CBFA2T3: variants seen among roughly 807,000 people sequenced by gnomAD.
The protein encoded by CBFA2T3 is transcriptional corepressor CBFA2T3.
In CBFA2T3, 31 loss-of-function variants were observed where a neutral mutation model predicts 58.6. The ratio of observed to expected loss-of-function variants is 0.53; its 90% confidence interval spans 0.40 to 0.71. The LOEUF (loss-of-function observed/expected upper bound fraction) is 0.71, where lower values mean the gene tolerates loss of function less well. Ranked by LOEUF, CBFA2T3 falls within the 30% of genes least tolerant of loss-of-function variation. The pLI, the probability that CBFA2T3 is intolerant of heterozygous loss-of-function variation, is 0.00. For synonymous variants in CBFA2T3, 531 were observed against 421.9 expected (o/e 1.26, Z -3.17); for missense variants, 1,076 against 963.1 (o/e 1.12, Z -1.55).
chr16:88,878,766 CA>C (rs920682949), intron 11 of CBFA2T3, among the ~76,000 whole-genome samples: 4 of 152,284 alleles, frequency 2.6e-5, no homozygotes, highest in Non-Finnish European at 4.4e-5. Context: ...GCCTACGTGG[CA>C]AAACCCCATC....
At chr16:88,941,859 G>GTGGGGGGGGTGGGGAGGTGGGGAGT (rs1971749642) in intron 1 of CBFA2T3, 1 of 123,308 alleles carries the variant, frequency 8.1e-6, no homozygotes, top group Non-Finnish European at 1.9e-5. Flanking sequence ...GTTGGGGGGT[G>GTGGGGGGGGTGGGGAGGTGGGGAGT]TGGGGGGGGT....
intron 5 of CBFA2T3, among the ~76,000 whole-genome samples, chr16:88,888,393 C>T (rs542895029): frequency 3.1e-5 from 4 of 130,966 alleles, no homozygotes; most frequent in Non-Finnish European, 6.4e-5. Context: ...CACTCGGCAC[C>T]TCCTGTCTGG....
intron 10 of CBFA2T3, 75 bp from the exon 11 acceptor site, chr16:88,879,535 C>T (rs1968981163): frequency 3.6e-6 from 5 of 1,393,110 alleles, no homozygotes; most frequent in Non-Finnish European, 4.0e-6. Context: ...TACGCGTGGC[C>T]ACAACCTGGG....
At chr16:88,922,992 G>A (rs1970970076) in intron 1 of CBFA2T3, among the ~76,000 whole-genome samples, 2 of 151,436 alleles carry the variant, frequency 1.3e-5, no homozygotes, top group Non-Finnish European at 2.9e-5. Flanking sequence ...ACAGAGCTGG[G>A]ACCCGACCAG....
chr16:88,933,209 C>A (rs948617889), intron 1 of CBFA2T3, among the ~76,000 whole-genome samples: 2 of 152,260 alleles, frequency 1.3e-5, no homozygotes, highest in Non-Finnish European at 2.9e-5. Context: ...CTGGTCAACT[C>A]CTGGGGGCTG....
chr16:88,936,108 G>A (rs1971490281), intron 1 of CBFA2T3, among the ~76,000 whole-genome samples: 1 of 152,170 alleles, frequency 6.6e-6, no homozygotes, highest in African/African-American at 2.4e-5. Context: ...CTGGCTTGAT[G>A]GCACCCTGGC....
chr16:88,965,731 C>G (rs930167517), intron 1 of CBFA2T3, among the ~76,000 whole-genome samples: 1 of 152,226 alleles, frequency 6.6e-6, no homozygotes, highest in African/African-American at 2.4e-5. Context: ...TCCTGGGCCA[C>G]CATTATCTGC....
chr16:88,886,323 C>T (rs910793908), intron 5 of CBFA2T3, 181 bp from the exon 6 acceptor site: 25 of 238,016 alleles, frequency 1.1e-4, no homozygotes, highest in Non-Finnish European at 1.6e-4. Context: ...GGGAGGGTGG[C>T]GTGGGAGGGT....
rs561900415 is a variant in CBFA2T3 at position 88,977,172 on chromosome 16, T to C, written c.-365A>G. 4 of 279,962 alleles carry C rather than the reference T, an allele frequency of 1.4e-5. No homozygotes were observed. The highest frequency in any genetic ancestry group is 9.3e-5 in the Admixed American group (2 of 21,616). The allele number at this position is 279,962 out of a possible 1,614,324, so 17.3% of individuals were successfully genotyped here. ...CCCTGACAGGAACCATCTGGGGCCC[T>C]GCCCTGCGCGGCCTTCCCTCGGGCC... On this transcript the variant is annotated 5_prime_UTR_variant, in exon 1 of 12. Transcript: ENST00000268679.
intron 1 of CBFA2T3, among the ~76,000 whole-genome samples, chr16:88,947,583 A>G (rs1228651553): frequency 2.0e-5 from 3 of 152,248 alleles, no homozygotes; most frequent in African/African-American, 7.2e-5. Context: ...ACCGATACAA[A>G]CAATGTGAAT....
Position 88,892,500 on chromosome 16 carries a change from C to G in CBFA2T3, c.380-15G>C, listed in dbSNP as rs370512257. On this transcript the variant is annotated splice_polypyrimidine_tract_variant and intron_variant, in intron 3 of 11. Coordinates refer to ENST00000268679, the MANE Select transcript of CBFA2T3 (RefSeq NM_005187.6). ...GCCGTTCATCACTGCAGGAGGGAAG[C>G]GGACATGAGGACACAAAGGTGATGG... The G allele has an allele frequency of 6.2e-7, 1 of 1,610,166 alleles. No homozygotes were observed. The highest frequency in any genetic ancestry group is 8.5e-7 in the Non-Finnish European group (1 of 1,179,966).
intron 7 of CBFA2T3, 164 bp downstream of exon 7, chr16:88,884,882 C>A: frequency 1.7e-6 from 1 of 587,044 alleles, no homozygotes; most frequent in East Asian, 3.2e-5. Context: ...TCTGCAGCCA[C>A]CGCTCTGCTC....
intron 1 of CBFA2T3, among the ~76,000 whole-genome samples, chr16:88,950,014 A>C (rs536773276): frequency 9.9e-5 from 15 of 152,080 alleles, no homozygotes; most frequent in Non-Finnish European, 1.3e-4. Flanking sequence ...GAAAAAAAAG[A>C]AAAGAAAACG....
Position 88,885,685 on chromosome 16 carries a change from A to G in CBFA2T3, c.893+276T>C, listed in dbSNP as rs1969338324. On this transcript the variant is annotated intron_variant, in intron 6 of 11. Transcript: ENST00000268679. This position sits in a 1 kb window ranked among gnomAD's most constrained non-coding sequence, Gnocchi z 5.3. Reference sequence around the variant, plus strand: ...CATGGACCCCGGACGCTCGGAGTCCATGCCCGGCACACAGGGGAGAGCCGT... The same window carrying G: ...CATGGACCCCGGACGCTCGGAGTCCGTGCCCGGCACACAGGGGAGAGCCGT... 1 of 484,334 alleles carries G rather than the reference A, an allele frequency of 2.1e-6. No individual in the cohort carries two copies. Among genetic ancestry groups the G allele is most frequent in the East Asian group, 3.8e-5 (1 of 26,580 alleles). The allele number at this position is 484,334 out of a possible 1,614,324, so 30.0% of individuals were successfully genotyped here.
In CBFA2T3 at chr16:88,879,372, G is replaced by A. The variant is rs1374176236; in HGVS notation, c.1560C>T (p.Ile520=). 2 of 1,612,970 alleles carry A rather than the reference G, an allele frequency of 1.2e-6. No individual in the cohort carries two copies. The highest frequency in any genetic ancestry group is 1.7e-6 in the Non-Finnish European group (2 of 1,179,816). Residue 520 remains isoleucine (I), a synonymous_variant, in exon 11 of 12, where the codon ATC becomes ATT. Transcript: ENST00000268679. ...GCTCCATCTTGGCACGCTCCGTGGT[G>A]ATGAGCTCGTGCGCTTTGCGCTCCG... The part of the protein sequence containing the change: ...SDAERKAHEL[I]TTERAKMERA...
At position 88,953,839 on chromosome 16, in the gene CBFA2T3, C is replaced by T. The variant is rs1316326027; in HGVS notation, c.151+22818G>A. 4.6e-5 allele frequency among the ~76,000 whole-genome samples: 7 copies of T among 152,150 alleles called. No individual in the cohort carries two copies. The highest frequency in any genetic ancestry group is 1.0e-4 in the Non-Finnish European group (7 of 68,010). On this transcript the variant is annotated intron_variant, in intron 1 of 11. Transcript: ENST00000268679. This position sits in a 1 kb window ranked among gnomAD's most constrained non-coding sequence, Gnocchi z 4.9. The stretch of plus-strand genomic sequence containing the variant: ...GTTTCCCTTAAGGGGGATGGCTCCC[C>T]TTAAGATGACTTTGGGGCTGCCATG...
At chr16:88,883,403 G>A (rs1163471032) in intron 7 of CBFA2T3, 1 of 155,734 alleles carries the variant, frequency 6.4e-6, no homozygotes, top group Non-Finnish European at 1.4e-5. Context: ...GCCAAGCCGA[G>A]GCCAGGGCTC....
In CBFA2T3 at chr16:88,953,526, G is replaced by A. The variant is rs1054799407; in HGVS notation, c.151+23131C>T. Among the ~76,000 whole-genome samples, 1 of 140,484 alleles carries A rather than the reference G, an allele frequency of 7.1e-6. No homozygotes were observed. The highest frequency in any genetic ancestry group is 3.1e-5 in the African/African-American group (1 of 32,590). 92.2% of individuals were successfully genotyped at this position (140,484 alleles called of 152,430 possible). On this transcript the variant is annotated intron_variant, in intron 1 of 11. Coordinates refer to ENST00000268679, the MANE Select transcript of CBFA2T3 (RefSeq NM_005187.6). The surrounding 1 kb of genome is among the most constrained non-coding windows in gnomAD (Gnocchi z 4.9). ...ACTCTTGGGACCCTGAGTGTGGGGA[G>A]GCTGGGGTTGAGCAGTGGGGATCAG...
At position 88,876,698 on chromosome 16, in the gene CBFA2T3, C is replaced by G; in HGVS notation, c.*278G>C. The G allele has an allele frequency of 2.4e-6, 1 of 414,352 alleles. No homozygotes were observed. Among genetic ancestry groups the G allele is most frequent in the South Asian group, 6.7e-5 (1 of 15,018 alleles). The allele number at this position is 414,352 out of a possible 1,614,324, so 25.7% of individuals were successfully genotyped here. A position where few individuals can be genotyped will look rare whatever the true frequency, so the allele number is the denominator to read the frequency against. On this transcript the variant is annotated 3_prime_UTR_variant, in exon 12 of 12. Coordinates refer to ENST00000268679, the MANE Select transcript of CBFA2T3 (RefSeq NM_005187.6). ...TCTGCTCTGCTGTCTAAAGCTCAGT[C>G]GAGGCTTCTGAGGATGCTTGAAGAG... is the stretch of plus-strand genomic sequence containing the variant.
Sources: allele counts gnomAD v4.1 joint callset (sites outside exome capture counted in the v4.1 genomes callset), GRCh38; gene constraint gnomAD v4.1.1; non-coding constraint Gnocchi (gnomAD v3.1); transcripts MANE v1.5; gene names NCBI Gene and HGNC (gene_info 2026-07-23, HGNC 2026-07-21).